Variants in CSMD3 observed in about 807,000 individuals in gnomAD.
CSMD3 encodes CUB and Sushi multiple domains 3.
Under a neutral mutation model 435.2 loss-of-function variants are expected in CSMD3, and 177 were observed. The observed-to-expected ratio is 0.41, with a 90% CI of 0.36 to 0.46. CSMD3 has a LOEUF of 0.46. Ranked by LOEUF, CSMD3 falls within the 20% of genes least tolerant of loss-of-function variation. CSMD3 has a pLI of 0.34. For missense variants in CSMD3, 4,265 were observed against 4,504.6 expected, an observed-to-expected ratio of 0.95 and a Z score of 1.52; for synonymous variants, 1,656 against 1,520.5, an observed-to-expected ratio of 1.09 and a Z score of -2.07.
In CSMD3 at chr8:113,218,697, A is replaced by G. The variant is rs1260256394; in HGVS notation, c.515-44781T>C. 3.3e-5 allele frequency among the ~76,000 whole-genome samples: 5 copies of G among 151,306 alleles called. No homozygotes were observed. The Admixed American group carries it at 3.3e-4, about 10-fold the overall frequency. Reference sequence around the variant, plus strand: ...TGGAAGGAAAATTTCTCAGTCTGATAAAGGAAATCTACATAAAAATTTATA... The same window carrying G: ...TGGAAGGAAAATTTCTCAGTCTGATGAAGGAAATCTACATAAAAATTTATA... On this transcript the variant is annotated intron_variant, in intron 3 of 70. Transcript: ENST00000297405.
intron 4 of CSMD3, among the ~76,000 whole-genome samples, chr8:113,153,100 G>A (rs868049126): frequency 5.6e-5 from 3 of 53,996 alleles, no homozygotes; most frequent in African/African-American, 2.8e-4. Context: ...AAGAAAGAAA[G>A]AAAAGAAAGA....
chr8:113,045,509 T>C (rs940539211), intron 5 of CSMD3, among the ~76,000 whole-genome samples: 4 of 149,316 alleles, frequency 2.7e-5, no homozygotes, highest in Admixed American at 2.7e-4. Flanking sequence ...TAGTCTATGG[T>C]TTCTAAATTA....
In CSMD3 at chr8:113,260,338, C is replaced by T. The variant is rs180749896; in HGVS notation, c.514+18254G>A. 5.9e-5 allele frequency among the ~76,000 whole-genome samples: 9 copies of T among 152,248 alleles called. 1 individual carries two copies. In the East Asian group the frequency reaches 1.2e-3, roughly 20 times the overall value. Reference sequence around the variant, plus strand: ...ATGTCTTTCTCAATAAATGGCAACACGTTTTGTTCAGTTATTCATGTTCAA... The same window carrying T: ...ATGTCTTTCTCAATAAATGGCAACATGTTTTGTTCAGTTATTCATGTTCAA... On this transcript the variant is annotated intron_variant, in intron 3 of 70. Transcript: ENST00000297405.
chr8:112,800,326 G>T, intron 12 of CSMD3, 52 bp from the exon 13 acceptor site: 1 of 1,120,666 alleles, frequency 8.9e-7, no homozygotes, highest in Non-Finnish European at 1.4e-6. Flanking sequence ...AACATCCTCT[G>T]CATACAAATT....
intron 3 of CSMD3, among the ~76,000 whole-genome samples, chr8:113,188,045 C>A (rs1343149457): frequency 6.6e-6 from 1 of 151,978 alleles, no homozygotes; most frequent in Non-Finnish European, 1.5e-5. Context: ...AAGATCTAAA[C>A]CAATTCCCAC....
intron 53 of CSMD3, among the ~76,000 whole-genome samples, chr8:112,297,252 A>C (rs1330638860): frequency 7.2e-6 from 1 of 138,634 alleles, no homozygotes; most frequent in Non-Finnish European, 1.6e-5. Context: ...AAAGCCTCAA[A>C]AAAAAAAAAA....
chr8:113,120,201 G>C (rs771192819), intron 4 of CSMD3, among the ~76,000 whole-genome samples: 8 of 151,946 alleles, frequency 5.3e-5, no homozygotes, highest in Non-Finnish European at 1.2e-4. Context: ...TTTTCAATGA[G>C]ATTATGCAAT....
rs1831697521 is a variant in CSMD3, at chr8:112,405,212, CCCAT to C, written c.5809+1308_5809+1311del. ...AAAAAAAAAAAAAAAAAAAAAAACC[CCCAT>C]ATATATATATATATATATATATATA... On this transcript the variant is annotated intron_variant, in intron 35 of 70. Transcript: ENST00000297405. 6.0e-5 allele frequency among the ~76,000 whole-genome samples: 2 copies of C among 33,096 alleles called. 1 individual carries two copies. Among genetic ancestry groups the C allele is most frequent in the Non-Finnish European group, 1.0e-4 (2 of 19,794 alleles). The allele number at this position is 33,096 out of a possible 152,430, so 21.7% of individuals were successfully genotyped here.
chr8:112,822,542 G>A lies in CSMD3; in HGVS notation c.1859+7144C>T, dbSNP rs1358638086. ...TGCTGAAGTTGCTTACCAGCTTGAG[G>A]AGTTTTGGGGCTGAGACAATGGGGT... On this transcript the variant is annotated intron_variant, in intron 12 of 70. Transcript: ENST00000297405. Among the ~76,000 whole-genome samples the A allele has an allele frequency of 2.0e-5, 3 of 152,206 alleles. No homozygotes were observed. The East Asian group carries it at 5.8e-4, about 30-fold the overall frequency.
intron 11 of CSMD3, among the ~76,000 whole-genome samples, chr8:112,857,571 A>C (rs1010047813): frequency 6.6e-6 from 1 of 151,776 alleles, no homozygotes; most frequent in Non-Finnish European, 1.5e-5. Flanking sequence ...TCTATCTTGG[A>C]AAAAGATATT....
rs192225197 is a variant in CSMD3 at position 112,616,244 on chromosome 8, G to A, written c.3715+20573C>T. On this transcript the variant is annotated intron_variant, in intron 22 of 70. Transcript: ENST00000297405. ...TGCATAATGGATTTGGAACAGAGTCGTATAACTGGTAAGTACTCAAAAATT... is the reference window on the plus strand; with the variant it reads ...TGCATAATGGATTTGGAACAGAGTCATATAACTGGTAAGTACTCAAAAATT... Among the ~76,000 whole-genome samples, 285 of 151,938 alleles carry A rather than the reference G, an allele frequency of 1.9e-3. 2 individuals carry two copies. Among genetic ancestry groups the A allele is most frequent in the African/African-American group, 6.5e-3 (267 of 41,394 alleles).
chr8:112,432,158 C>T (rs753686655), intron 32 of CSMD3, among the ~76,000 whole-genome samples: 5 of 152,012 alleles, frequency 3.3e-5, no homozygotes, highest in Non-Finnish European at 5.9e-5. Context: ...GAGGGTAAAG[C>T]TAAGACTATT....
chr8:112,462,908 A>G (rs766045742), intron 32 of CSMD3, among the ~76,000 whole-genome samples: 8 of 152,136 alleles, frequency 5.3e-5, no homozygotes, highest in Non-Finnish European at 1.2e-4. Context: ...CTGCTACTCC[A>G]TAATCACAAT....
At position 113,235,594 on chromosome 8, in the gene CSMD3, A is replaced by C. The variant is rs75435496; in HGVS notation, c.514+42998T>G. Among the ~76,000 whole-genome samples the C allele has an allele frequency of 6.5e-3, 993 of 152,260 alleles. 11 individuals are homozygous for C. Among genetic ancestry groups the C allele is most frequent in the African/African-American group, 0.022 (927 of 41,570 alleles). On this transcript the variant is annotated intron_variant, in intron 3 of 70. Coordinates refer to ENST00000297405, the MANE Select transcript of CSMD3 (RefSeq NM_198123.2). ...ATCTGTGATGGTTAATTTTAGGTGC[A>C]AACTTGATTGGATTAAGGAAGACAG...
intron 32 of CSMD3, among the ~76,000 whole-genome samples, chr8:112,467,353 G>A (rs906320733): frequency 2.6e-5 from 4 of 152,168 alleles, no homozygotes; most frequent in Non-Finnish European, 5.9e-5. Context: ...CTAGGAGGTA[G>A]AGCTATCTGG....
chr8:112,230,471 T>G (rs1812982092), intron 69 of CSMD3, among the ~76,000 whole-genome samples: 1 of 152,194 alleles, frequency 6.6e-6, no homozygotes, highest in African/African-American at 2.4e-5. Flanking sequence ...AGTACTGCTA[T>G]GTAAAAGTTC....
intron 22 of CSMD3, among the ~76,000 whole-genome samples, chr8:112,603,441 A>G (rs1039882032): frequency 6.6e-6 from 1 of 152,230 alleles, no homozygotes; most frequent in Non-Finnish European, 1.5e-5. Flanking sequence ...CATAATAGCA[A>G]AAAGAAGTGG....
intron 1 of CSMD3, among the ~76,000 whole-genome samples, chr8:113,434,630 T>G (rs920695293): frequency 6.6e-6 from 1 of 152,206 alleles, no homozygotes; most frequent in African/African-American, 2.4e-5. Flanking sequence ...AAAATGTTTT[T>G]TACGTATAGT....
intron 63 of CSMD3, among the ~76,000 whole-genome samples, chr8:112,248,825 TCATGCTGTGTCTTC>T (rs1815001219): frequency 6.6e-6 from 1 of 152,148 alleles, no homozygotes; most frequent in South Asian, 2.1e-4. Flanking sequence ...TTATGTTATC[TCATGCTGTGTCTTC>T]CATGAACCCT....
Sources: gnomAD v4.1 joint callset for allele counts (sites outside exome capture counted in the v4.1 genomes callset) on GRCh38, gnomAD v4.1.1 for gene constraint, MANE v1.5 for transcripts, NCBI Gene and HGNC (gene_info 2026-07-23, HGNC 2026-07-21) for gene names.